The following DKK2 variants were observed in gnomAD, a reference collection of about 807,000 sequenced individuals.
DKK2 encodes dickkopf-related protein 2.
A neutral mutation model predicts 28.1 loss-of-function variants in DKK2; 11 were observed. The ratio of observed to expected loss-of-function variants is 0.39; its 90% CI spans 0.25 to 0.65. DKK2 has a LOEUF of 0.65. Ranked by LOEUF, DKK2 falls within the 30% of genes least tolerant of loss-of-function variation. DKK2 has a pLI of 0.47. For synonymous variants in DKK2, 135 were observed against 126.5 expected (o/e 1.07, Z -0.45); for missense variants, 326 against 335.5 (o/e 0.97, Z 0.22).
intron 1 of DKK2, among the ~76,000 whole-genome samples, chr4:106,958,219 A>T (rs1722629530): frequency 6.6e-6 from 1 of 151,632 alleles, no homozygotes; most frequent in Non-Finnish European, 1.5e-5. Flanking sequence ...TAATAATAAA[A>T]AAAAGCTATC....
chr4:106,989,949 C>A (rs1314748323), intron 1 of DKK2, among the ~76,000 whole-genome samples: 1 of 152,006 alleles, frequency 6.6e-6, no homozygotes, highest in Non-Finnish European at 1.5e-5. Flanking sequence ...TTTAGTTTAA[C>A]CCAACATAGC....
At chr4:106,931,165 G>A (rs951194896) in intron 1 of DKK2, among the ~76,000 whole-genome samples, 1 of 152,082 alleles carries the variant, frequency 6.6e-6, no homozygotes, top group African/African-American at 2.4e-5. Context: ...GGGGATAAGG[G>A]TGTACTGGAT....
chr4:106,929,103 A>G (rs568828661), intron 1 of DKK2, among the ~76,000 whole-genome samples: 1 of 152,342 alleles, frequency 6.6e-6, no homozygotes, highest in South Asian at 2.1e-4. Context: ...GTCTAGTCTC[A>G]TTTGATGATG....
rs148847081 is a variant in DKK2, at chr4:106,966,077, G to A, written c.223-40128C>T. 6.9e-3 allele frequency among the ~76,000 whole-genome samples: 1,044 copies of A among 152,082 alleles called. 12 individuals are homozygous for A. Among genetic ancestry groups the A allele is most frequent in the African/African-American group, 0.024 (991 of 41,484 alleles). ...ACATACGTGTGCATGTGTCTTTACCGGAACCAGCCGCTATAAAGTAATTTA... is the reference window on the plus strand; with the variant it reads ...ACATACGTGTGCATGTGTCTTTACCAGAACCAGCCGCTATAAAGTAATTTA... On this transcript the variant is annotated intron_variant, in intron 1 of 3. Transcript: ENST00000285311.
rs2110337954 is a variant in DKK2 at position 106,922,084 on chromosome 4, G to A, written c.*1870C>T. The stretch of plus-strand genomic sequence containing the variant: ...AAATGTTCCATTTTCATTTCACCAA[G>A]CTTATAGCAACCTGTTTATACAAAC... On this transcript the variant is annotated 3_prime_UTR_variant, in exon 4 of 4. Coordinates refer to ENST00000285311, the MANE Select transcript of DKK2 (RefSeq NM_014421.3). 1 of 152,616 alleles carries A rather than the reference G, an allele frequency of 6.6e-6. No individual in the cohort carries two copies. The highest frequency in any genetic ancestry group is 1.5e-5 in the Non-Finnish European group (1 of 68,004). 9.5% of individuals were successfully genotyped at this position (152,616 alleles called of 1,614,324 possible).
At chr4:106,987,683 T>C (rs1040999194) in intron 1 of DKK2, among the ~76,000 whole-genome samples, 2 of 151,704 alleles carry the variant, frequency 1.3e-5, no homozygotes, top group Non-Finnish European at 2.9e-5. Context: ...TGAGCATAAG[T>C]TCTTGTTCTC....
intron 1 of DKK2, among the ~76,000 whole-genome samples, chr4:106,978,592 C>T (rs544213414): frequency 2.6e-5 from 4 of 152,152 alleles, no homozygotes; most frequent in South Asian, 2.1e-4. Flanking sequence ...CCCCTCCCCC[C>T]ACCAAGCTCA....
intron 1 of DKK2, among the ~76,000 whole-genome samples, chr4:106,999,944 T>G (rs1214876991): frequency 6.6e-6 from 1 of 152,082 alleles, no homozygotes; most frequent in African/African-American, 2.4e-5. Flanking sequence ...GAAATCTCAC[T>G]ACAAAAATGC....
intron 1 of DKK2, among the ~76,000 whole-genome samples, chr4:107,000,578 T>A (rs755091279): frequency 2.6e-5 from 4 of 152,186 alleles, no homozygotes; most frequent in Non-Finnish European, 5.9e-5. Context: ...TACTAATCAT[T>A]TTCCATTTTA....
intron 1 of DKK2, among the ~76,000 whole-genome samples, chr4:106,936,774 G>C (rs1228592776): frequency 1.3e-5 from 2 of 152,130 alleles, no homozygotes; most frequent in African/African-American, 2.4e-5. Flanking sequence ...TCTCTCAGCA[G>C]AAACCCTACA....
At chr4:107,026,069 C>A (rs77619729) in intron 1 of DKK2, among the ~76,000 whole-genome samples, 1 of 152,134 alleles carries the variant, frequency 6.6e-6, no homozygotes, top group Non-Finnish European at 1.5e-5. Context: ...CAGATTTCCT[C>A]GTGTGTAAAA....
intron 1 of DKK2, among the ~76,000 whole-genome samples, chr4:106,993,000 C>G (rs1723225917): frequency 6.6e-6 from 1 of 152,214 alleles, no homozygotes; most frequent in Non-Finnish European, 1.5e-5. Context: ...CATATGGATA[C>G]TGCAAAGAAC....
intron 1 of DKK2, among the ~76,000 whole-genome samples, chr4:106,966,584 CTCTTT>C (rs762955168): frequency 6.6e-6 from 1 of 152,136 alleles, no homozygotes; most frequent in Non-Finnish European, 1.5e-5. Flanking sequence ...CCCCTGGGTT[CTCTTT>C]TCTTTAAACA....
intron 1 of DKK2, among the ~76,000 whole-genome samples, chr4:106,927,509 C>T (rs1456772653): frequency 6.6e-6 from 1 of 152,166 alleles, no homozygotes; most frequent in Non-Finnish European, 1.5e-5. Flanking sequence ...TGAAGGACTG[C>T]ATAGTGGCAA....
In DKK2 at chr4:106,922,808, C is replaced by A. The variant is rs897692029; in HGVS notation, c.*1146G>T. The A allele has an allele frequency of 2.0e-5, 3 of 152,256 alleles. No homozygotes were observed. Among genetic ancestry groups the A allele is most frequent in the African/African-American group, 7.2e-5 (3 of 41,552 alleles). 9.4% of individuals were successfully genotyped at this position (152,256 alleles called of 1,614,324 possible). On this transcript the variant is annotated 3_prime_UTR_variant, in exon 4 of 4. Transcript: ENST00000285311. ...GCAGATATTCATTTAGACTGTGCATCCCCTGGTTTCAAAGATGAACAGCCA... is the reference window on the plus strand; with the variant it reads ...GCAGATATTCATTTAGACTGTGCATACCCTGGTTTCAAAGATGAACAGCCA...
chr4:106,964,211 G>A (rs1349096461), intron 1 of DKK2, among the ~76,000 whole-genome samples: 1 of 152,102 alleles, frequency 6.6e-6, no homozygotes, highest in Non-Finnish European at 1.5e-5. Flanking sequence ...AAACAACATG[G>A]ATGGACCTGG....
At chr4:106,956,133 G>T (rs1050191784) in intron 1 of DKK2, among the ~76,000 whole-genome samples, 1 of 152,040 alleles carries the variant, frequency 6.6e-6, no homozygotes, top group African/African-American at 2.4e-5. Context: ...TACAATCTAA[G>T]AACTAATATA....
chr4:107,028,071 C>T (rs948377924), intron 1 of DKK2, among the ~76,000 whole-genome samples: 7 of 152,124 alleles, frequency 4.6e-5, no homozygotes, highest in African/African-American at 1.7e-4. Context: ...TTGTTAACAT[C>T]TGAGGTACCA....
intron 1 of DKK2, among the ~76,000 whole-genome samples, chr4:106,970,069 A>C (rs1722842448): frequency 6.6e-6 from 1 of 152,160 alleles, no homozygotes. Flanking sequence ...CACGTAAGCC[A>C]GGTAGCTTTT....
Sources: gnomAD v4.1 joint callset for allele counts (sites outside exome capture counted in the v4.1 genomes callset) on GRCh38, gnomAD v4.1.1 for gene constraint, MANE v1.5 for transcripts, NCBI Gene and HGNC (gene_info 2026-07-23, HGNC 2026-07-21) for gene names.